SLIT2: variants seen among roughly 807,000 people sequenced by gnomAD.
SLIT2 encodes the protein slit homolog 2 protein.
Under a neutral mutation model 185.7 loss-of-function variants are expected in SLIT2, and 41 were observed. The observed-to-expected ratio is 0.22, with a 90% confidence interval of 0.17 to 0.29. The LOEUF (loss-of-function observed/expected upper bound fraction) is 0.29. SLIT2 is among the 10% of genes least tolerant of loss of function. The probability of loss-of-function intolerance (pLI) is 1.00; values close to 1 mark genes in which losing one functional copy is unlikely to be tolerated. For missense variants in SLIT2, 1,571 were observed against 1,909.0 expected, an observed-to-expected ratio of 0.82 and a Z score of 3.30; for synonymous variants, 693 against 680.2, an observed-to-expected ratio of 1.02 and a Z score of -0.29.
At chr4:20,372,986 T>C (rs1316477595) in intron 4 of SLIT2, among the ~76,000 whole-genome samples, 1 of 152,130 alleles carries the variant, frequency 6.6e-6, no homozygotes, top group Admixed American at 6.6e-5. Flanking sequence ...GAACATATTA[T>C]TTTCTCATTA....
intron 17 of SLIT2, among the ~76,000 whole-genome samples, chr4:20,532,449 G>T (rs1721893825): frequency 6.6e-6 from 1 of 151,716 alleles, no homozygotes; most frequent in Non-Finnish European, 1.5e-5. Flanking sequence ...ACTTTCATTA[G>T]AAGATAGTCA....
Position 20,528,949 on chromosome 4 carries a change from G to T in SLIT2, c.1463G>T (p.Gly488Val), listed in dbSNP as rs773044305. Residue 488 changes from glycine (G) to valine (V), a missense_variant and splice_region_variant, in exon 16 of 37, where the codon GGT (glycine) becomes GTT (valine). By Grantham distance (109) the Gly-to-Val change is moderately radical (BLOSUM62 -3). Around this residue, in one of 3 missense-constraint regions of SLIT2, gnomAD observed 1,202 missense variants for 1,416.4 expected, o/e 0.85. Coordinates refer to ENST00000504154, the MANE Select transcript of SLIT2 (RefSeq NM_004787.4). This position sits in a 1 kb window ranked among gnomAD's most constrained non-coding sequence, Gnocchi z 4.2. The part of the protein sequence containing the change: ...CSAKEQYFIP[G>V]TEDYRSKLSG... ...TTTTTTTGGTTTGAATTCTCAATAG[G>T]TACAGAAGATTATCGATCAAAATTA... The T allele has an allele frequency of 2.5e-6, 4 of 1,612,720 alleles. No homozygotes were observed. Among genetic ancestry groups the T allele is most frequent in the Non-Finnish European group, 3.4e-6 (4 of 1,179,128 alleles).
intron 33 of SLIT2, among the ~76,000 whole-genome samples, chr4:20,601,710 C>G (rs961767672): frequency 1.3e-5 from 2 of 152,176 alleles, no homozygotes; most frequent in African/African-American, 4.8e-5. Context: ...AAAGATAGTA[C>G]TTCTCCATCC....
intron 4 of SLIT2, among the ~76,000 whole-genome samples, chr4:20,463,515 ATGTGTGTGTG>A (rs375793654): frequency 1.8e-5 from 2 of 112,342 alleles, no homozygotes; most frequent in Non-Finnish European, 3.6e-5. Context: ...ATATCCATAT[ATGTGTGTGTG>A]TGTGTGTGTG....
chr4:20,463,515 ATGTGTGTGTGTGTGTG>A (rs375793654), intron 4 of SLIT2, among the ~76,000 whole-genome samples: 6 of 112,342 alleles, frequency 5.3e-5, no homozygotes, highest in African/African-American at 1.7e-4. Flanking sequence ...ATATCCATAT[ATGTGTGTGTGTGTGTG>A]TGTGTGTGTG....
intron 4 of SLIT2, among the ~76,000 whole-genome samples, chr4:20,342,717 CTTTTTTTTTTTTT>C (rs11373611): frequency 4.3e-5 from 3 of 69,680 alleles, no homozygotes; most frequent in African/African-American, 1.8e-4. Context: ...GACTATCGCA[CTTTTTTTTTTTTT>C]TTTTTTTTTT....
At chr4:20,271,265 T>TG (rs1187092885) in intron 4 of SLIT2, among the ~76,000 whole-genome samples, 1 of 150,614 alleles carries the variant, frequency 6.6e-6, no homozygotes, top group East Asian at 2.0e-4. Context: ...TGACAAATAA[T>TG]GGGGAAAAAT....
intron 4 of SLIT2, 110 bp downstream of exon 4, chr4:20,268,991 T>G: frequency 1.4e-6 from 1 of 707,888 alleles, no homozygotes; most frequent in Non-Finnish European, 2.6e-6. Flanking sequence ...ATCAATAGAT[T>G]AATGGATTAA....
intron 9 of SLIT2, among the ~76,000 whole-genome samples, chr4:20,503,824 G>T (rs1416332186): frequency 6.6e-6 from 1 of 152,092 alleles, no homozygotes; most frequent in Non-Finnish European, 1.5e-5. Flanking sequence ...ATTTAAAAAT[G>T]AGTACTTTTG....
intron 29 of SLIT2, among the ~76,000 whole-genome samples, chr4:20,586,445 G>GA (rs1488398062): frequency 2.0e-5 from 3 of 151,932 alleles, no homozygotes; most frequent in Non-Finnish European, 2.9e-5. Context: ...CCACACTCTG[G>GA]AAAAAACACA....
intron 4 of SLIT2, among the ~76,000 whole-genome samples, chr4:20,457,535 G>T (rs1713212961): frequency 1.3e-5 from 2 of 151,976 alleles, no homozygotes; most frequent in Admixed American, 6.6e-5. Flanking sequence ...CTATTGCAAG[G>T]TCTTTTTTGA....
At chr4:20,335,238 C>T (rs1281002038) in intron 4 of SLIT2, among the ~76,000 whole-genome samples, 2 of 152,062 alleles carry the variant, frequency 1.3e-5, no homozygotes, top group Non-Finnish European at 2.9e-5. Context: ...TCTGCAGAGT[C>T]AGGATTATGG....
At chr4:20,574,019 A>G (rs1207539434) in intron 29 of SLIT2, among the ~76,000 whole-genome samples, 4 of 151,420 alleles carry the variant, frequency 2.6e-5, no homozygotes, top group Admixed American at 1.3e-4. Context: ...CAGTGGCGCA[A>G]TCTCGGCTCA....
chr4:20,393,951 G>A (rs75206101), intron 4 of SLIT2, among the ~76,000 whole-genome samples: 2,005 of 152,080 alleles, frequency 0.013, 17 homozygotes, highest in Non-Finnish European at 0.02. Context: ...AATCAATCAC[G>A]TCCTGTTGTG....
rs76073846 is a variant in SLIT2 at position 20,404,268 on chromosome 4, C to T, written c.396-63484C>T. On this transcript the variant is annotated intron_variant, in intron 4 of 36. Transcript: ENST00000504154. ...CAGATGTTCTAGGCTATGATTTAAACGTCCCCTATATTACAATCTCACATA... is the reference window on the plus strand; with the variant it reads ...CAGATGTTCTAGGCTATGATTTAAATGTCCCCTATATTACAATCTCACATA... Among the ~76,000 whole-genome samples, 1,073 of 152,048 alleles carry T rather than the reference C, an allele frequency of 7.1e-3. 22 individuals carry two copies. Among genetic ancestry groups the T allele is most frequent in the African/African-American group, 0.024 (1,006 of 41,508 alleles).
Position 20,489,060 on chromosome 4 carries a change from A to C in SLIT2, c.775+78A>C, listed in dbSNP as rs1717530037. 5 of 1,205,280 alleles carry C rather than the reference A, an allele frequency of 4.1e-6. No homozygotes were observed. The Admixed American group carries it at 7.6e-5, about 18-fold the overall frequency. 74.7% of individuals were successfully genotyped at this position (1,205,280 alleles called of 1,614,324 possible). On this transcript the variant is annotated intron_variant, in intron 8 of 36. Coordinates refer to ENST00000504154, the MANE Select transcript of SLIT2 (RefSeq NM_004787.4). The stretch of plus-strand genomic sequence containing the variant: ...ACAGAATGTGAGGGCTGCATGCGTC[A>C]AAGGTTTCAGTATTGTTCACTAATG...
chr4:20,429,381 G>A lies in SLIT2; in HGVS notation c.396-38371G>A, dbSNP rs1023137457. ...TGGAAAGACACTGTCTTTTCTAACGGTAAATTTAGTTCATTCACATTTCCA... is the reference window on the plus strand; with the variant it reads ...TGGAAAGACACTGTCTTTTCTAACGATAAATTTAGTTCATTCACATTTCCA... On this transcript the variant is annotated intron_variant, in intron 4 of 36. Coordinates refer to ENST00000504154, the MANE Select transcript of SLIT2 (RefSeq NM_004787.4). Among the ~76,000 whole-genome samples, 3 of 151,996 alleles carry A rather than the reference G, an allele frequency of 2.0e-5. 1 individual carries two copies. In the South Asian group the frequency reaches 6.2e-4, roughly 32 times the overall value.
At chr4:20,485,615 C>T (rs939456320) in intron 6 of SLIT2, among the ~76,000 whole-genome samples, 9 of 152,132 alleles carry the variant, frequency 5.9e-5, no homozygotes, top group African/African-American at 1.9e-4. Context: ...CACGGTGCTA[C>T]AGCAAGTTAC....
Position 20,460,121 on chromosome 4 carries a change from C to A in SLIT2, c.396-7631C>A, listed in dbSNP as rs934268345. 2.6e-5 allele frequency among the ~76,000 whole-genome samples: 4 copies of A among 152,170 alleles called. No homozygotes were observed. The East Asian group carries it at 5.8e-4, about 22-fold the overall frequency. ...TCAGGTGATCCACCCACCTCAGCCTCCCAAAGGCTGAGATTACAGGCATGA... is the reference window on the plus strand; with the variant it reads ...TCAGGTGATCCACCCACCTCAGCCTACCAAAGGCTGAGATTACAGGCATGA... On this transcript the variant is annotated intron_variant, in intron 4 of 36. Coordinates refer to ENST00000504154, the MANE Select transcript of SLIT2 (RefSeq NM_004787.4).
Sources: gnomAD v4.1 joint callset for allele counts (sites outside exome capture counted in the v4.1 genomes callset) on GRCh38, gnomAD v4.1.1 for gene constraint, gnomAD v4.1.1 regional missense constraint, Gnocchi (gnomAD v3.1) non-coding constraint, MANE v1.5 for transcripts, NCBI Gene and HGNC (gene_info 2026-07-23, HGNC 2026-07-21) for gene names.